STARD13: variants seen among roughly 807,000 people sequenced by gnomAD.
STARD13 encodes the protein stAR-related lipid transfer protein 13.
A neutral mutation model predicts 106.4 loss-of-function variants in STARD13; 62 were observed. The observed-to-expected ratio is 0.58, with a 90% CI of 0.48 to 0.72. The LOEUF (loss-of-function observed/expected upper bound fraction) is 0.72. Among genes scored for constraint, STARD13 ranks in the 30% least tolerant of loss-of-function variants. The probability of loss-of-function intolerance (pLI) is 0.00; values close to 1 mark genes in which losing one functional copy is unlikely to be tolerated. For synonymous variants in STARD13, 565 were observed against 553.0 expected (o/e 1.02, Z -0.31); for missense variants, 1,387 against 1,424.0 (o/e 0.97, Z 0.42).
chr13:33,134,623 C>A (rs879531584), intron 4 of STARD13, among the ~76,000 whole-genome samples: 4 of 152,144 alleles, frequency 2.6e-5, no homozygotes, highest in Admixed American at 6.6e-5. Context: ...ACAATAATAA[C>A]ACATGTCTAG....
chr13:33,139,037 C>T (rs1046396173), intron 4 of STARD13, among the ~76,000 whole-genome samples: 1 of 151,966 alleles, frequency 6.6e-6, no homozygotes, highest in African/African-American at 2.4e-5. Context: ...CTTGTGTCAG[C>T]CCACCAAAAT....
At chr13:33,400,830 C>T in the STARD13 span, among the ~76,000 whole-genome samples, 38 of 152,244 alleles carry the variant, frequency 2.5e-4, no homozygotes, top group Admixed American at 2.4e-3. Context: ...AAGCTTTACA[C>T]TTAAAATGGG....
At chr13:33,246,536 T>A (rs1009540946) in intron 1 of STARD13, among the ~76,000 whole-genome samples, 1 of 152,314 alleles carries the variant, frequency 6.6e-6, no homozygotes, top group Non-Finnish European at 1.5e-5. Context: ...CCTATCAACA[T>A]CTTTTTAAAA....
chr13:33,388,423 A>G, the STARD13 span, among the ~76,000 whole-genome samples: 1 of 152,222 alleles, frequency 6.6e-6, no homozygotes, highest in Admixed American at 6.5e-5. Context: ...CAGTGCAGTC[A>G]CGCACAGGTC....
At chr13:33,119,069 T>C (rs1311840213) in intron 7 of STARD13, among the ~76,000 whole-genome samples, 1 of 151,992 alleles carries the variant, frequency 6.6e-6, no homozygotes, top group Non-Finnish European at 1.5e-5. Flanking sequence ...AGAGTGGCCC[T>C]AATGAGAATG....
chr13:33,273,088 G>A (rs145488215), intron 1 of STARD13, among the ~76,000 whole-genome samples: 29 of 152,282 alleles, frequency 1.9e-4, no homozygotes, highest in Admixed American at 1.0e-3. Context: ...AACAAAACTC[G>A]ATTCCAAAGG....
the STARD13 span, among the ~76,000 whole-genome samples, chr13:33,368,487 C>A: frequency 6.6e-6 from 1 of 152,152 alleles, no homozygotes; most frequent in Non-Finnish European, 1.5e-5. Flanking sequence ...TAGGATGGAA[C>A]AATTTATCCC....
intron 8 of STARD13, among the ~76,000 whole-genome samples, chr13:33,116,067 T>C (rs1875324767): frequency 6.6e-6 from 1 of 152,178 alleles, no homozygotes; most frequent in Non-Finnish European, 1.5e-5. Flanking sequence ...CACCCGACGG[T>C]TCCCCAATGC....
chr13:33,506,870 G>C, the STARD13 span, among the ~76,000 whole-genome samples: 79 of 152,282 alleles, frequency 5.2e-4, 3 homozygotes, highest in East Asian at 0.012. Flanking sequence ...CTAGCAGTTT[G>C]AGAGGCCAAG....
chr13:33,301,602 C>T (rs1210272438), intron 1 of STARD13, among the ~76,000 whole-genome samples: 7 of 130,210 alleles, frequency 5.4e-5, no homozygotes, highest in African/African-American at 2.1e-4. Context: ...GAGTCTCGCT[C>T]TGTTGACCAG....
the STARD13 span, among the ~76,000 whole-genome samples, chr13:33,392,646 C>T: frequency 5.3e-5 from 8 of 151,630 alleles, no homozygotes; most frequent in South Asian, 2.1e-4. Flanking sequence ...GTGATCTGCC[C>T]GCCTCAGCCT....
intron 3 of STARD13, among the ~76,000 whole-genome samples, chr13:33,143,653 G>A (rs937448813): frequency 1.3e-5 from 2 of 152,012 alleles, no homozygotes; most frequent in Non-Finnish European, 2.9e-5. Context: ...TCCCAGGCTC[G>A]AGCAATTCTC....
At chr13:33,538,705 A>C in the STARD13 span, among the ~76,000 whole-genome samples, 854 of 152,240 alleles carry the variant, frequency 5.6e-3, 9 homozygotes, top group African/African-American at 0.02. Flanking sequence ...AAACAGAAGA[A>C]AAAGATAATG....
At chr13:33,360,961 A>T in the STARD13 span, among the ~76,000 whole-genome samples, 1 of 22,174 alleles carries the variant, frequency 4.5e-5, no homozygotes. Context: ...ACGCCCGGCT[A>T]ATTTTTTTTT....
the STARD13 span, among the ~76,000 whole-genome samples, chr13:33,504,301 C>A: frequency 6.6e-6 from 1 of 152,096 alleles, no homozygotes; most frequent in Non-Finnish European, 1.5e-5. Flanking sequence ...AAGACACATG[C>A]ACACATATGT....
the STARD13 span, among the ~76,000 whole-genome samples, chr13:33,582,376 G>A: frequency 6.6e-6 from 1 of 152,138 alleles, no homozygotes; most frequent in Non-Finnish European, 1.5e-5. Flanking sequence ...TGAGTAGTTG[G>A]AATCATATGG....
At chr13:33,350,151 C>T (rs1594295014) in intron 1 of STARD13, 2 of 1,222,956 alleles carry the variant, frequency 1.6e-6, no homozygotes, top group Non-Finnish European at 2.1e-6. Context: ...GGGTGGTGCC[C>T]GCAGCCCGCT....
At chr13:33,387,687 C>T in the STARD13 span, among the ~76,000 whole-genome samples, 4 of 152,304 alleles carry the variant, frequency 2.6e-5, no homozygotes, top group South Asian at 6.2e-4. Flanking sequence ...ACAGGAGTAC[C>T]GCTACTGATG....
At chr13:33,622,929 A>G in the STARD13 span, among the ~76,000 whole-genome samples, 33 of 142,518 alleles carry the variant, frequency 2.3e-4, no homozygotes, top group Non-Finnish European at 3.6e-4. Context: ...AAAAAAAAAA[A>G]AAAGAAAGAA....
Sources: gnomAD v4.1 joint callset for allele counts (sites outside exome capture counted in the v4.1 genomes callset) on GRCh38, gnomAD v4.1.1 for gene constraint, MANE v1.5 for transcripts, NCBI Gene and HGNC (gene_info 2026-07-23, HGNC 2026-07-21) for gene names.